TXNDC16: variants seen among roughly 807,000 people sequenced by gnomAD.
The protein encoded by TXNDC16 is thioredoxin domain-containing protein 16.
A neutral mutation model predicts 85.6 loss-of-function variants in TXNDC16; 74 were observed. The ratio of observed to expected loss-of-function variants is 0.86; its 90% CI spans 0.72 to 1.05. TXNDC16 has a LOEUF of 1.05. TXNDC16 is among the 50% of genes least tolerant of loss of function. The pLI, the probability that TXNDC16 is intolerant of heterozygous loss-of-function variation, is 0.00. For synonymous variants in TXNDC16, 335 were observed against 326.5 expected, an observed-to-expected ratio of 1.03 and a Z score of -0.28; for missense variants, 959 against 947.0, an observed-to-expected ratio of 1.01 and a Z score of -0.17.
rs1466313929 is a variant in TXNDC16 at position 52,473,668 on chromosome 14, CAT to C, written c.1313-2990_1313-2989del. ...CTAAGGTGCCTACAGTATTACATCC[CAT>C]ATACTTTATCAATGCAGTAATTTCA... On this transcript the variant is annotated intron_variant, in intron 14 of 20. Coordinates refer to ENST00000281741, the MANE Select transcript of TXNDC16 (RefSeq NM_020784.3). 4.5e-4 allele frequency among the ~76,000 whole-genome samples: 69 copies of C among 152,110 alleles called. 1 individual carries two copies. The highest frequency in any genetic ancestry group is 4.5e-3 in the Admixed American group (69 of 15,268).
chr14:52,529,819 TA>T (rs1447023172), intron 6 of TXNDC16, among the ~76,000 whole-genome samples: 2 of 110,368 alleles, frequency 1.8e-5, no homozygotes, highest in Non-Finnish European at 3.3e-5. Flanking sequence ...ACCTATTATA[TA>T]TTATGTATTA....
At position 52,430,851 on chromosome 14, in the gene TXNDC16, T is replaced by C. The variant is rs960641555; in HGVS notation, c.*1453A>G. On this transcript the variant is annotated 3_prime_UTR_variant, in exon 21 of 21. Coordinates refer to ENST00000281741, the MANE Select transcript of TXNDC16 (RefSeq NM_020784.3). The stretch of plus-strand genomic sequence containing the variant: ...GCATCACATGCTACAGGAAAAAAAA[T>C]TGAGGAGAGGGTGCTGAGAGTAGCA... 2 of 151,938 alleles carry C rather than the reference T, an allele frequency of 1.3e-5. No individual in the cohort carries two copies. Among genetic ancestry groups the C allele is most frequent in the African/African-American group, 4.8e-5 (2 of 41,364 alleles). The allele number at this position is 151,938 out of a possible 1,614,324, so 9.4% of individuals were successfully genotyped here.
chr14:52,506,822 C>A (rs531139080), intron 9 of TXNDC16, among the ~76,000 whole-genome samples: 2 of 144,930 alleles, frequency 1.4e-5, no homozygotes, highest in Non-Finnish European at 3.0e-5. Flanking sequence ...TCCCAAAGTG[C>A]TGGGATTACA....
At chr14:52,448,556 G>A (rs1337669010) in intron 18 of TXNDC16, among the ~76,000 whole-genome samples, 2 of 152,064 alleles carry the variant, frequency 1.3e-5, no homozygotes, top group Non-Finnish European at 2.9e-5. Context: ...CTTCAATCAG[G>A]AAGAAAAGGA....
At chr14:52,453,920 G>A (rs529004282) in intron 18 of TXNDC16, among the ~76,000 whole-genome samples, 3 of 152,182 alleles carry the variant, frequency 2.0e-5, no homozygotes, top group Admixed American at 1.3e-4. Context: ...AAGTAGGGAT[G>A]GTTAATGGGT....
chr14:52,450,855 A>T (rs527722050), intron 18 of TXNDC16, among the ~76,000 whole-genome samples: 12 of 658 alleles, frequency 0.018, no homozygotes, highest in East Asian at 0.045. Flanking sequence ...AATGTGTTTT[A>T]TATATATATA....
chr14:52,438,574 T>G (rs573562907), intron 20 of TXNDC16, among the ~76,000 whole-genome samples: 3 of 152,232 alleles, frequency 2.0e-5, no homozygotes, highest in African/African-American at 2.4e-5. Context: ...GACTTCAGTA[T>G]AGTGTAAACA....
chr14:52,501,460 C>G (rs1002259047), intron 9 of TXNDC16, among the ~76,000 whole-genome samples: 3 of 152,070 alleles, frequency 2.0e-5, no homozygotes, highest in African/African-American at 7.2e-5. Flanking sequence ...GATCCTGAAC[C>G]CAGAAACCCA....
chr14:52,464,614 A>AATTTT (rs556078051), intron 16 of TXNDC16, among the ~76,000 whole-genome samples: 1 of 150,926 alleles, frequency 6.6e-6, no homozygotes. Flanking sequence ...TTTCATAAAA[A>AATTTT]TTTTTTTTTT....
chr14:52,470,784 CA>C, intron 14 of TXNDC16, 104 bp from the exon 15 acceptor site: 1 of 1,032,960 alleles, frequency 9.7e-7, no homozygotes, highest in South Asian at 1.8e-5. Context: ...AACCTCTCAG[CA>C]TGAAACACTC....
Position 52,457,091 on chromosome 14 carries a change from G to A in TXNDC16, c.1702C>T (p.Leu568=), listed in dbSNP as rs776394355. Residue 568 remains leucine (L), a splice_region_variant and synonymous_variant, in exon 17 of 21, where the codon CTG becomes TTG. Transcript: ENST00000281741. ...GIYSEEDVLL[L]STKYAASLPA... ...AAATTAAAAGAGCAATAAACTTACA[G>A]TAGCAAAACATCTTCTTCAGAATAA... 1.0e-5 allele frequency: 16 copies of A among 1,568,974 alleles called. No individual in the cohort carries two copies. In the South Asian group the frequency reaches 1.2e-4, roughly 12 times the overall value.
Position 52,455,328 on chromosome 14 carries a change from A to T in TXNDC16, c.1838T>A (p.Met613Lys), listed in dbSNP as rs1188551124. 1.2e-6 allele frequency: 2 copies of T among 1,613,366 alleles called. No homozygotes were observed. The highest frequency in any genetic ancestry group is 1.7e-6 in the Non-Finnish European group (2 of 1,179,730). The change falls in exon 18 of 21, where the codon ATG (methionine) becomes AAG (lysine). Residue 613 changes from methionine to lysine, a missense_variant. By Grantham distance (95) the Met-to-Lys change is moderately conservative. Transcript: ENST00000281741. ...VQIITDALLE[M>K]FPEITVENLP... is the part of the protein sequence containing the mutation. ...CTTATTATAAAACATACTCACAAAC[A>T]TTTCCAGTAGTGCATCTGTTATTAT...
intron 17 of TXNDC16, 40 bp downstream of exon 17, chr14:52,457,047 CATA>C (rs1448431770): frequency 7.7e-7 from 1 of 1,304,036 alleles, no homozygotes; most frequent in Non-Finnish European, 1.1e-6. Context: ...CATTATTTTG[CATA>C]ATTTCTCCCT....
At chr14:52,475,788 C>T (rs1486362939) in intron 14 of TXNDC16, among the ~76,000 whole-genome samples, 1 of 152,142 alleles carries the variant, frequency 6.6e-6, no homozygotes, top group Non-Finnish European at 1.5e-5. Flanking sequence ...TAGGGTCCTG[C>T]CTACTGCCTG....
intron 16 of TXNDC16, among the ~76,000 whole-genome samples, chr14:52,457,856 T>C (rs1245164329): frequency 1.3e-5 from 2 of 152,236 alleles, no homozygotes; most frequent in African/African-American, 4.8e-5. Flanking sequence ...TTGTTAATAA[T>C]GACTATCCTA....
chr14:52,499,579 T>A (rs569321328), intron 9 of TXNDC16, among the ~76,000 whole-genome samples: 10 of 149,756 alleles, frequency 6.7e-5, no homozygotes, highest in African/African-American at 2.5e-4. Flanking sequence ...CCATGAGGTA[T>A]CATCTCATAT....
chr14:52,449,509 T>C (rs2035359307), intron 18 of TXNDC16, among the ~76,000 whole-genome samples: 1 of 152,138 alleles, frequency 6.6e-6, no homozygotes, highest in African/African-American at 2.4e-5. Flanking sequence ...GCTGAAGATT[T>C]CAACAACCCA....
chr14:52,490,735 T>C (rs755135915), intron 10 of TXNDC16, 104 bp downstream of exon 10: 41 of 1,242,054 alleles, frequency 3.3e-5, no homozygotes, highest in Non-Finnish European at 4.4e-5. Context: ...TTGGAATCTA[T>C]TAGAGATTTG....
chr14:52,496,640 T>A (rs1224002868), intron 9 of TXNDC16, among the ~76,000 whole-genome samples: 1 of 149,084 alleles, frequency 6.7e-6, no homozygotes, highest in East Asian at 2.0e-4. Flanking sequence ...AGAGTCTCAC[T>A]CTGTTGCCTG....
Sources: allele counts gnomAD v4.1 joint callset (sites outside exome capture counted in the v4.1 genomes callset), GRCh38; gene constraint gnomAD v4.1.1; transcripts MANE v1.5; gene names NCBI Gene and HGNC (gene_info 2026-07-23, HGNC 2026-07-21).